KIFAP3: variants seen among roughly 807,000 people sequenced by gnomAD.
The protein encoded by KIFAP3 is kinesin-associated protein 3.
KIFAP3 carries 68 observed loss-of-function variants against 106.5 expected under a neutral mutation model. That is an observed-to-expected ratio of 0.64 (90% CI 0.53 to 0.78). The LOEUF is 0.78. Ranked by LOEUF, KIFAP3 falls within the 30% of genes least tolerant of loss-of-function variation. The probability of loss-of-function intolerance (pLI) is 0.00; values close to 1 mark genes in which losing one functional copy is unlikely to be tolerated. For missense variants in KIFAP3, 780 were observed against 941.8 expected (o/e 0.83, Z 2.25); for synonymous variants, 320 against 311.5 (o/e 1.03, Z -0.29).
Position 170,080,377 on chromosome 1 carries a change from A to G in KIFAP3, n.174+4658T>C, listed in dbSNP as rs999690065. Among the ~76,000 whole-genome samples the G allele has an allele frequency of 3.9e-5, 6 of 152,214 alleles. No individual in the cohort carries two copies. In the East Asian group the frequency reaches 1.2e-3, roughly 29 times the overall value. Reference sequence around the variant, plus strand: ...CTATAGATTCTATATAACTCCAATCAAATACTAGCAATTTTTTTTTACAAA... The same window carrying G: ...CTATAGATTCTATATAACTCCAATCGAATACTAGCAATTTTTTTTTACAAA... On this transcript the variant is annotated intron_variant and non_coding_transcript_variant, in intron 1 of 5. Transcript: ENST00000490550.
chr1:169,944,498 G>C (rs538343008), intron 19 of KIFAP3, among the ~76,000 whole-genome samples: 1 of 152,066 alleles, frequency 6.6e-6, no homozygotes, highest in African/African-American at 2.4e-5. Flanking sequence ...CCTCCTTCTC[G>C]TTTCCCACAA....
chr1:169,936,505 C>T (rs1019361461), intron 19 of KIFAP3, among the ~76,000 whole-genome samples: 2 of 151,678 alleles, frequency 1.3e-5, no homozygotes, highest in Admixed American at 6.6e-5. Context: ...CATCAAAGTA[C>T]GATGTTTTAT....
chr1:169,978,759 A>T (rs192809242), intron 15 of KIFAP3, among the ~76,000 whole-genome samples: 2 of 152,276 alleles, frequency 1.3e-5, no homozygotes, highest in East Asian at 3.9e-4. Flanking sequence ...TTATGAAATT[A>T]GATTTAATAG....
chr1:169,995,727 A>G (rs1377348468), intron 10 of KIFAP3, among the ~76,000 whole-genome samples: 1 of 152,160 alleles, frequency 6.6e-6, no homozygotes, highest in Non-Finnish European at 1.5e-5. Flanking sequence ...CTAAAAAGCA[A>G]TGTCCTGAGG....
intron 1 of KIFAP3, among the ~76,000 whole-genome samples, chr1:170,055,926 G>GT (rs1670828461): frequency 6.6e-6 from 1 of 152,060 alleles, no homozygotes; most frequent in African/African-American, 2.4e-5. Context: ...TAGGTCAGAA[G>GT]TTTGAGACCA....
chr1:170,080,675 G>A (rs889442743), intron 1 of KIFAP3, among the ~76,000 whole-genome samples: 3 of 152,004 alleles, frequency 2.0e-5, no homozygotes, highest in Non-Finnish European at 2.9e-5. Flanking sequence ...TTGCAGAAAC[G>A]GTGCAGAGAT....
chr1:169,957,480 T>A (rs1437910564), intron 18 of KIFAP3, among the ~76,000 whole-genome samples: 1 of 152,152 alleles, frequency 6.6e-6, no homozygotes, highest in Non-Finnish European at 1.5e-5. Flanking sequence ...TCAACACAGG[T>A]AATTTATCAA....
At chr1:170,064,811 T>A (rs931065698) in intron 1 of KIFAP3, among the ~76,000 whole-genome samples, 1 of 152,194 alleles carries the variant, frequency 6.6e-6, no homozygotes, top group East Asian at 1.9e-4. Flanking sequence ...ATATACTACA[T>A]CAAATTCATT....
intron 2 of KIFAP3, among the ~76,000 whole-genome samples, chr1:170,047,166 T>C (rs1341116915): frequency 6.6e-6 from 1 of 152,160 alleles, no homozygotes; most frequent in African/African-American, 2.4e-5. Flanking sequence ...ATAAAGTCTT[T>C]AGCATTATTA....
intron 3 of KIFAP3, among the ~76,000 whole-genome samples, chr1:170,045,282 G>C (rs1433509377): frequency 6.6e-6 from 1 of 152,074 alleles, no homozygotes; most frequent in Non-Finnish European, 1.5e-5. Flanking sequence ...AACAGATCCA[G>C]AAACCTCAAG....
chr1:170,046,427 A>T (rs1670260236), intron 3 of KIFAP3, among the ~76,000 whole-genome samples: 1 of 152,186 alleles, frequency 6.6e-6, no homozygotes, highest in Admixed American at 6.5e-5. Context: ...TTCTAGAATC[A>T]ATATGACAGA....
intron 19 of KIFAP3, chr1:169,923,095 T>A: frequency 1.0e-6 from 1 of 985,270 alleles, no homozygotes; most frequent in Non-Finnish European, 1.2e-6. Context: ...TTTAGGAGAA[T>A]GGAAGTTCTG....
At chr1:169,960,819 T>C (rs1665283999) in intron 18 of KIFAP3, among the ~76,000 whole-genome samples, 1 of 151,910 alleles carries the variant, frequency 6.6e-6, no homozygotes, top group South Asian at 2.1e-4. Context: ...CAATTAATTT[T>C]CCTTGCTACA....
At chr1:169,980,186 A>G (rs1484813281) in intron 15 of KIFAP3, among the ~76,000 whole-genome samples, 1 of 152,164 alleles carries the variant, frequency 6.6e-6, no homozygotes. Flanking sequence ...ATGAGTGATA[A>G]TAACATGGGT....
rs373723375 is a variant in KIFAP3, at chr1:170,046,844, C to T, written c.187G>A (p.Ala63Thr). 234 of 1,605,784 alleles carry T rather than the reference C, an allele frequency of 1.5e-4. 1 individual carries two copies. The highest frequency in any genetic ancestry group is 1.9e-4 in the Non-Finnish European group (224 of 1,176,168). ...GCCAGGGAAGTTATATCTGTGTTGGCATTGAGACTCTTAAGTCGAATGCTG... is the reference window on the plus strand; with the variant it reads ...GCCAGGGAAGTTATATCTGTGTTGGTATTGAGACTCTTAAGTCGAATGCTG... ...QKIIRLKSLN[A>T]NTDITSLARK... is the part of the protein sequence containing the mutation. The change falls in exon 3 of 20, where the codon GCC becomes ACC. Residue 63 changes from alanine to threonine, a missense_variant. By Grantham distance (58) the Ala-to-Thr change is moderately conservative. Transcript: ENST00000361580.
chr1:170,022,914 A>G (rs1668922049), intron 9 of KIFAP3, among the ~76,000 whole-genome samples: 1 of 152,188 alleles, frequency 6.6e-6, no homozygotes, highest in Admixed American at 6.5e-5. Context: ...TAACTCTAAT[A>G]CATACATAAT....
At chr1:169,934,541 G>A (rs563289211) in intron 19 of KIFAP3, among the ~76,000 whole-genome samples, 2 of 152,162 alleles carry the variant, frequency 1.3e-5, no homozygotes, top group South Asian at 4.1e-4. Context: ...CTATACTCAG[G>A]TTTACTGCCA....
intron 19 of KIFAP3, among the ~76,000 whole-genome samples, chr1:169,924,458 C>T (rs1335275617): frequency 6.6e-6 from 1 of 152,186 alleles, no homozygotes; most frequent in Non-Finnish European, 1.5e-5. Context: ...TTATGTATCA[C>T]AGATGAACTT....
At chr1:170,074,801 G>A (rs974310428), upstream of KIFAP3, 4 of 1,192,720 alleles carry the variant, frequency 3.4e-6, no homozygotes, top group East Asian at 1.7e-4. Flanking sequence ...GCCGAGCAGG[G>A]AAGTTTTGGT....
Sources: gnomAD v4.1 joint callset for allele counts (sites outside exome capture counted in the v4.1 genomes callset) on GRCh38, gnomAD v4.1.1 for gene constraint, MANE v1.5 for transcripts, NCBI Gene and HGNC (gene_info 2026-07-23, HGNC 2026-07-21) for gene names.